LRP1B: variants seen among roughly 807,000 people sequenced by gnomAD.
LRP1B encodes the protein LDL receptor related protein 1B.
LRP1B carries 217 observed loss-of-function variants against 556.6 expected under a neutral mutation model. That is an observed-to-expected ratio of 0.39 (90% CI 0.35 to 0.44). The LOEUF is 0.44. Among genes scored for constraint, LRP1B ranks in the 20% least tolerant of loss-of-function variants. LRP1B has a pLI of 1.00. For missense variants in LRP1B, 5,053 were observed against 5,620.8 expected, an observed-to-expected ratio of 0.90 and a Z score of 3.23; for synonymous variants, 2,047 against 1,865.8, an observed-to-expected ratio of 1.10 and a Z score of -2.50.
intron 16 of LRP1B, among the ~76,000 whole-genome samples, chr2:140,990,165 C>A (rs1052315810): frequency 2.6e-5 from 4 of 151,558 alleles, no homozygotes; most frequent in Non-Finnish European, 5.9e-5. Flanking sequence ...TGAGATTGAT[C>A]GCTGTGGACA....
At chr2:142,057,249 A>G (rs1704710622) in intron 1 of LRP1B, among the ~76,000 whole-genome samples, 1 of 152,136 alleles carries the variant, frequency 6.6e-6, no homozygotes, top group Non-Finnish European at 1.5e-5. Flanking sequence ...TATGATATAG[A>G]AAGCCTGAAT....
At chr2:140,456,375 G>C (rs1687107311) in intron 62 of LRP1B, 80 bp downstream of exon 62, 5 of 1,349,384 alleles carry the variant, frequency 3.7e-6, no homozygotes. Flanking sequence ...TGTATGGAAT[G>C]ATCATTCAAT....
intron 1 of LRP1B, among the ~76,000 whole-genome samples, chr2:141,811,669 T>C (rs1188407237): frequency 6.6e-6 from 1 of 152,140 alleles, no homozygotes; most frequent in Non-Finnish European, 1.5e-5. Context: ...TTTTATTTTA[T>C]CCTATTATAT....
At chr2:141,100,477 A>C (rs190719539) in intron 7 of LRP1B, among the ~76,000 whole-genome samples, 1 of 152,200 alleles carries the variant, frequency 6.6e-6, no homozygotes, top group Non-Finnish European at 1.5e-5. Flanking sequence ...GAAAGTGTTA[A>C]GAAGGGGTCA....
intron 22 of LRP1B, among the ~76,000 whole-genome samples, chr2:140,905,948 T>A (rs1418780317): frequency 6.6e-6 from 1 of 152,124 alleles, no homozygotes; most frequent in Non-Finnish European, 1.5e-5. Flanking sequence ...TATTTAAAAA[T>A]TTCCCTAAAA....
At chr2:141,398,545 C>G (rs146097341) in intron 3 of LRP1B, among the ~76,000 whole-genome samples, 15 of 152,218 alleles carry the variant, frequency 9.9e-5, no homozygotes, top group Admixed American at 9.8e-4. Flanking sequence ...TACTATTGTT[C>G]TCATTTTAAT....
intron 1 of LRP1B, among the ~76,000 whole-genome samples, chr2:142,089,222 T>C (rs1005313916): frequency 7.1e-5 from 2 of 28,226 alleles, no homozygotes; most frequent in African/African-American, 3.0e-4. Flanking sequence ...TTAGTTTTTT[T>C]CTGCAACTAT....
intron 2 of LRP1B, among the ~76,000 whole-genome samples, chr2:141,785,556 C>T (rs1179768827): frequency 6.6e-6 from 1 of 151,462 alleles, no homozygotes; most frequent in Non-Finnish European, 1.5e-5. Context: ...ACTAAACAAG[C>T]CCTTAAGATG....
At chr2:141,887,588 G>T (rs538531575) in intron 1 of LRP1B, among the ~76,000 whole-genome samples, 1 of 152,250 alleles carries the variant, frequency 6.6e-6, no homozygotes, top group Non-Finnish European at 1.5e-5. Context: ...GCAGGACACC[G>T]GATGAATGAC....
At chr2:141,104,686 T>C (rs1473867701) in intron 7 of LRP1B, among the ~76,000 whole-genome samples, 1 of 152,082 alleles carries the variant, frequency 6.6e-6, no homozygotes, top group Non-Finnish European at 1.5e-5. Context: ...ATCTTTAAAA[T>C]TTCTAGAAAG....
intron 7 of LRP1B, among the ~76,000 whole-genome samples, chr2:141,063,635 C>T (rs965140422): frequency 2.6e-5 from 4 of 151,462 alleles, no homozygotes; most frequent in Non-Finnish European, 5.9e-5. Flanking sequence ...CCCCCTCCGT[C>T]TCTCTCTCTC....
intron 2 of LRP1B, among the ~76,000 whole-genome samples, chr2:141,500,305 T>C (rs1347468088): frequency 6.6e-6 from 1 of 152,162 alleles, no homozygotes; most frequent in Non-Finnish European, 1.5e-5. Context: ...GTTAAAATGA[T>C]ATGTAAGCTC....
At chr2:141,429,063 A>G (rs113110459) in intron 3 of LRP1B, among the ~76,000 whole-genome samples, 265 of 152,296 alleles carry the variant, frequency 1.7e-3, no homozygotes, top group African/African-American at 6.0e-3. Flanking sequence ...CTTACCATAC[A>G]GAAGAAAAAT....
At chr2:141,732,000 TC>T (rs1187574358) in intron 2 of LRP1B, among the ~76,000 whole-genome samples, 13 of 152,278 alleles carry the variant, frequency 8.5e-5, no homozygotes, top group Non-Finnish European at 5.9e-5. Flanking sequence ...TTTCTCAGTA[TC>T]TATTCCCAAT....
chr2:140,475,870 A>C (rs1469872254), intron 59 of LRP1B, among the ~76,000 whole-genome samples: 1 of 152,000 alleles, frequency 6.6e-6, no homozygotes, highest in Non-Finnish European at 1.5e-5. Context: ...CCTTGGTCAC[A>C]CGAGTCACAT....
chr2:141,168,451 A>C (rs1051061059), intron 7 of LRP1B, among the ~76,000 whole-genome samples: 1 of 152,102 alleles, frequency 6.6e-6, no homozygotes, highest in Non-Finnish European at 1.5e-5. Flanking sequence ...CACTACTTGC[A>C]CTGTGCAAGA....
chr2:140,550,986 C>A (rs528006573), intron 43 of LRP1B, among the ~76,000 whole-genome samples: 1 of 151,934 alleles, frequency 6.6e-6, no homozygotes, highest in Admixed American at 6.6e-5. Flanking sequence ...AAATGAGAGC[C>A]CTTTCTCTCT....
At chr2:140,331,395 C>A (rs539367667) in intron 79 of LRP1B, among the ~76,000 whole-genome samples, 1 of 151,894 alleles carries the variant, frequency 6.6e-6, no homozygotes, top group Non-Finnish European at 1.5e-5. Context: ...GTGTCTTATA[C>A]GGTGCCCAAT....
At chr2:141,006,984 C>T (rs1244327898) in intron 14 of LRP1B, among the ~76,000 whole-genome samples, 1 of 151,914 alleles carries the variant, frequency 6.6e-6, no homozygotes, top group East Asian at 1.9e-4. Context: ...GAACTCAACA[C>T]TAGCAATACA....
Sources: gnomAD v4.1 joint callset for allele counts (sites outside exome capture counted in the v4.1 genomes callset) on GRCh38, gnomAD v4.1.1 for gene constraint, MANE v1.5 for transcripts, NCBI Gene and HGNC (gene_info 2026-07-23, HGNC 2026-07-21) for gene names.